Variants in SUGCT observed in about 807,000 individuals in gnomAD.
SUGCT encodes the protein succinyl-CoA:glutarate CoA-transferase.
A neutral mutation model predicts 55.0 loss-of-function variants in SUGCT; 41 were observed. The observed-to-expected ratio is 0.74, with a 90% confidence interval of 0.58 to 0.97. The LOEUF (loss-of-function observed/expected upper bound fraction) is 0.97. SUGCT is among the 50% of genes least tolerant of loss of function. The probability of loss-of-function intolerance (pLI) is 0.00; values close to 1 mark genes in which losing one functional copy is unlikely to be tolerated. For missense variants in SUGCT, 568 were observed against 547.8 expected (o/e 1.04, Z -0.37); for synonymous variants, 187 against 200.4 (o/e 0.93, Z 0.56).
At chr7:40,191,152 G>A (rs1161312446) in intron 5 of SUGCT, among the ~76,000 whole-genome samples, 1 of 152,104 alleles carries the variant, frequency 6.6e-6, no homozygotes, top group Non-Finnish European at 1.5e-5. Flanking sequence ...GAGTAGCTGA[G>A]TCCACAGGTA....
intron 12 of SUGCT, among the ~76,000 whole-genome samples, chr7:40,519,504 T>C (rs1347556550): frequency 1.3e-5 from 2 of 152,096 alleles, no homozygotes; most frequent in African/African-American, 4.8e-5. Context: ...AAATAAAATA[T>C]TCAGTGAAAC....
intron 13 of SUGCT, among the ~76,000 whole-genome samples, chr7:40,853,450 C>T (rs930846819): frequency 2.6e-5 from 4 of 151,988 alleles, no homozygotes; most frequent in African/African-American, 9.7e-5. Flanking sequence ...CTGCAACCTC[C>T]GCCTCCCGGG....
intron 12 of SUGCT, among the ~76,000 whole-genome samples, chr7:40,638,274 G>A (rs1210675315): frequency 6.6e-6 from 1 of 152,078 alleles, no homozygotes; most frequent in African/African-American, 2.4e-5. Context: ...AATTCAAGTG[G>A]TTTATTTTTT....
intron 9 of SUGCT, among the ~76,000 whole-genome samples, chr7:40,410,427 G>T (rs919605887): frequency 1.3e-5 from 2 of 151,874 alleles, no homozygotes; most frequent in African/African-American, 4.8e-5. Flanking sequence ...TTCCAGATTT[G>T]TTGTATATTT....
chr7:40,637,227 C>T (rs1011351164), intron 12 of SUGCT, among the ~76,000 whole-genome samples: 4 of 152,218 alleles, frequency 2.6e-5, no homozygotes, highest in African/African-American at 9.6e-5. Context: ...CTTCATCTTT[C>T]TGTTTGCTGG....
At chr7:40,262,013 TC>T (rs1176358956) in intron 7 of SUGCT, among the ~76,000 whole-genome samples, 1 of 152,142 alleles carries the variant, frequency 6.6e-6, no homozygotes, top group Non-Finnish European at 1.5e-5. Flanking sequence ...CTATTTAAAC[TC>T]ATGAGGACAG....
the SUGCT span, among the ~76,000 whole-genome samples, chr7:41,014,198 C>A: frequency 6.6e-6 from 1 of 152,144 alleles, no homozygotes; most frequent in Non-Finnish European, 1.5e-5. Context: ...ACTATCTTTG[C>A]AACTTCATGT....
intron 11 of SUGCT, among the ~76,000 whole-genome samples, chr7:40,490,667 A>G (rs1027822200): frequency 6.6e-6 from 1 of 152,160 alleles, no homozygotes; most frequent in Non-Finnish European, 1.5e-5. Flanking sequence ...CAGCTATACA[A>G]TGCCTATTCC....
chr7:40,768,436 G>GATAT, intron 13 of SUGCT, among the ~76,000 whole-genome samples: 1 of 151,982 alleles, frequency 6.6e-6, no homozygotes, highest in African/African-American at 2.4e-5. Flanking sequence ...ACTCGCCTTG[G>GATAT]CCACTTCGTG....
chr7:40,448,226 C>CTCCCTCCCTCCG (rs1410243084), intron 9 of SUGCT, among the ~76,000 whole-genome samples: 2 of 137,888 alleles, frequency 1.5e-5, no homozygotes, highest in Non-Finnish European at 3.2e-5. Context: ...CCCTCCCTCC[C>CTCCCTCCCTCCG]TCCCTCCCTC....
In SUGCT at chr7:40,333,551, T is replaced by G. The variant is rs540338860; in HGVS notation, c.816+16696T>G. On this transcript the variant is annotated intron_variant, in intron 9 of 13. Coordinates refer to ENST00000335693, the MANE Select transcript of SUGCT (RefSeq NM_001193313.2). ...ACTTGGGAGGGTGAGGCAGGAGAATTGCTTGATCCCGGGAGGTGGAGGTTG... is the reference window on the plus strand; with the variant it reads ...ACTTGGGAGGGTGAGGCAGGAGAATGGCTTGATCCCGGGAGGTGGAGGTTG... 2.9e-3 allele frequency among the ~76,000 whole-genome samples: 413 copies of G among 143,682 alleles called. 1 individual carries two copies. The highest frequency in any genetic ancestry group is 9.8e-3 in the African/African-American group (374 of 38,206). The allele number at this position is 143,682 out of a possible 152,430, so 94.3% of individuals were successfully genotyped here.
intron 12 of SUGCT, among the ~76,000 whole-genome samples, chr7:40,693,842 A>G (rs964957735): frequency 1.3e-5 from 2 of 152,236 alleles, no homozygotes; most frequent in Admixed American, 1.3e-4. Flanking sequence ...GACCTGGGAA[A>G]GTTCTACGGG....
intron 12 of SUGCT, among the ~76,000 whole-genome samples, chr7:40,662,067 C>A (rs1355693618): frequency 6.6e-6 from 1 of 152,192 alleles, no homozygotes; most frequent in Non-Finnish European, 1.5e-5. Context: ...AACGTATCTC[C>A]CCCTTGCCCC....
chr7:40,831,517 C>A (rs1792662542), intron 13 of SUGCT, among the ~76,000 whole-genome samples: 2 of 152,200 alleles, frequency 1.3e-5, no homozygotes, highest in South Asian at 4.1e-4. Flanking sequence ...TACGAAACTT[C>A]AAACACATTT....
intron 8 of SUGCT, 33 bp downstream of exon 8, chr7:40,274,689 A>T (rs2151000633): frequency 1.2e-6 from 2 of 1,605,610 alleles, no homozygotes; most frequent in African/African-American, 1.3e-5. Flanking sequence ...AGATAATGTT[A>T]TAAAAACTGT....
intron 12 of SUGCT, among the ~76,000 whole-genome samples, chr7:40,548,070 A>T (rs749073313): frequency 6.6e-6 from 1 of 151,914 alleles, no homozygotes; most frequent in Non-Finnish European, 1.5e-5. Context: ...ACTTTTTAAC[A>T]CAAGTATTTC....
At chr7:40,366,105 C>A (rs868620382) in intron 9 of SUGCT, among the ~76,000 whole-genome samples, 1 of 151,996 alleles carries the variant, frequency 6.6e-6, no homozygotes, top group African/African-American at 2.4e-5. Context: ...TCAGAAATAA[C>A]GCCACATATC....
intron 1 of SUGCT, chr7:40,152,468 A>G: frequency 5.1e-6 from 1 of 196,942 alleles, no homozygotes; most frequent in Admixed American, 4.7e-5. Flanking sequence ...GGAAGAAGTG[A>G]GAGACAAATT....
At chr7:40,330,497 G>A (rs561105952) in intron 9 of SUGCT, among the ~76,000 whole-genome samples, 144 of 150,560 alleles carry the variant, frequency 9.6e-4, no homozygotes, top group African/African-American at 3.3e-3. Flanking sequence ...TTTTTTTGCC[G>A]GATGCCTAGC....
Sources: allele counts gnomAD v4.1 joint callset (sites outside exome capture counted in the v4.1 genomes callset), GRCh38; gene constraint gnomAD v4.1.1; transcripts MANE v1.5; gene names NCBI Gene and HGNC (gene_info 2026-07-23, HGNC 2026-07-21).